The following OPHN1 variants were observed in gnomAD, a reference collection of about 807,000 sequenced individuals.
OPHN1 encodes the protein oligophrenin-1.
Under a neutral mutation model 60.7 loss-of-function variants are expected in OPHN1, and 11 were observed. The observed-to-expected ratio is 0.18, with a 90% CI of 0.11 to 0.30. The LOEUF (loss-of-function observed/expected upper bound fraction) is 0.30. Ranked by LOEUF, OPHN1 falls within the 10% of genes least tolerant of loss-of-function variation. The pLI, the probability that OPHN1 is intolerant of heterozygous loss-of-function variation, is 1.00. For missense variants in OPHN1, 449 were observed against 611.0 expected (o/e 0.73, Z 2.80); for synonymous variants, 226 against 222.6 (o/e 1.02, Z -0.14).
chrX:68,081,526 T>C (rs779657625), intron 19 of OPHN1, among the ~76,000 whole-genome samples: 5 of 112,036 alleles, frequency 4.5e-5, no homozygotes, highest in Non-Finnish European at 7.5e-5. Context: ...ATAAAATATG[T>C]ATCACAATAA....
chrX:68,173,121 A>G (rs1321134528), intron 15 of OPHN1, among the ~76,000 whole-genome samples: 1 of 110,365 alleles, frequency 9.1e-6, no homozygotes, highest in African/African-American at 3.3e-5. Context: ...ACACCCACTA[A>G]TGAGAACTCA....
chrX:68,415,077 C>T (rs927040776), intron 2 of OPHN1, among the ~76,000 whole-genome samples: 1 of 111,806 alleles, frequency 8.9e-6, no homozygotes, highest in African/African-American at 3.2e-5. Context: ...TCTCTAGCCA[C>T]GTCTGTCTTG....
intron 15 of OPHN1, among the ~76,000 whole-genome samples, chrX:68,122,240 C>G (rs1312305344): frequency 1.8e-5 from 2 of 112,060 alleles, no homozygotes; most frequent in Non-Finnish European, 3.8e-5. Context: ...TCTTATTCAA[C>G]ACCATCAAGG....
intron 18 of OPHN1, among the ~76,000 whole-genome samples, chrX:68,100,916 T>A (rs1384554241): frequency 9.1e-6 from 1 of 109,927 alleles, no homozygotes; most frequent in Non-Finnish European, 1.9e-5. Flanking sequence ...CCGGCTAATT[T>A]TTTGTACTTT....
intron 19 of OPHN1, among the ~76,000 whole-genome samples, chrX:68,095,609 A>G (rs777311488): frequency 6.4e-4 from 71 of 111,342 alleles, no homozygotes; most frequent in African/African-American, 2.3e-3. Context: ...AATTTCTTAT[A>G]TGTATAAGGA....
chrX:68,163,397 T>A (rs1412856506), intron 15 of OPHN1, among the ~76,000 whole-genome samples: 1 of 106,470 alleles, frequency 9.4e-6, no homozygotes, highest in Admixed American at 1.0e-4. Flanking sequence ...GGCACATCTC[T>A]TTCTTTTTTA....
Position 68,343,274 on chromosome X carries a change from C to CAA in OPHN1, c.155-44180_155-44179dup, listed in dbSNP as rs368144274. Among the ~76,000 whole-genome samples the CAA allele has an allele frequency of 1.3e-3, 84 of 62,632 alleles. 1 individual carries two copies. The East Asian group carries it at 0.028, about 21-fold the overall frequency. The allele number at this position is 62,632 out of a possible 115,157, so 54.4% of individuals were successfully genotyped here. On this transcript the variant is annotated intron_variant, in intron 2 of 24. Coordinates refer to ENST00000355520, the MANE Select transcript of OPHN1 (RefSeq NM_002547.3). The stretch of plus-strand genomic sequence containing the variant: ...GGGAGACAAGAGAGAAGCTCTGTCT[C>CAA]AAAAAAAAAAAGCGGGGGGGGAGGG...
chrX:68,159,648 C>T (rs955186793), intron 15 of OPHN1, among the ~76,000 whole-genome samples: 6 of 111,491 alleles, frequency 5.4e-5, no homozygotes, highest in African/African-American at 2.0e-4. Flanking sequence ...CGTATTTAGA[C>T]GTCATATGTG....
At chrX:68,049,031 T>G (rs1404726282) in intron 23 of OPHN1, among the ~76,000 whole-genome samples, 1 of 111,251 alleles carries the variant, frequency 9.0e-6, no homozygotes, top group African/African-American at 3.3e-5. Flanking sequence ...CTGTTTACAC[T>G]TACTCCCTGG....
chrX:68,279,466 C>T (rs888563218), intron 4 of OPHN1, among the ~76,000 whole-genome samples: 5 of 109,856 alleles, frequency 4.6e-5, no homozygotes, highest in African/African-American at 1.0e-4. Flanking sequence ...TTCTCCCCAT[C>T]ATAATTCCTT....
rs181992661 is a variant in OPHN1 at position 68,340,249 on chromosome X, T to C, written c.155-41153A>G. 3.5e-3 allele frequency among the ~76,000 whole-genome samples: 396 copies of C among 112,124 alleles called. 2 individuals are homozygous for C. The highest frequency in any genetic ancestry group is 0.012 in the African/African-American group (378 of 30,967). Reference sequence around the variant, plus strand: ...ATATGGAAATTAAAGGGACCAAAAATAGTCAAAACTATCTTGAAAAAGAAC... The same window carrying C: ...ATATGGAAATTAAAGGGACCAAAAACAGTCAAAACTATCTTGAAAAAGAAC... On this transcript the variant is annotated intron_variant, in intron 2 of 24. Transcript: ENST00000355520.
At chrX:68,411,356 A>C (rs2078768429) in intron 2 of OPHN1, among the ~76,000 whole-genome samples, 2 of 112,243 alleles carry the variant, frequency 1.8e-5, no homozygotes, top group African/African-American at 6.5e-5. Flanking sequence ...TCTTTGAGAA[A>C]TCTCCAAACT....
At chrX:68,243,041 T>A (rs954829494) in intron 5 of OPHN1, among the ~76,000 whole-genome samples, 1 of 111,073 alleles carries the variant, frequency 9.0e-6, no homozygotes, top group Admixed American at 9.6e-5. Flanking sequence ...CTAATTTTTG[T>A]ATTTTTAGTG....
intron 6 of OPHN1, among the ~76,000 whole-genome samples, chrX:68,218,875 C>T (rs1418559808): frequency 2.2e-5 from 2 of 91,758 alleles, no homozygotes; most frequent in Non-Finnish European, 4.4e-5. Flanking sequence ...CATCAACTAA[C>T]GAGCAAAATA....
intron 2 of OPHN1, among the ~76,000 whole-genome samples, chrX:68,360,366 A>G (rs984325627): frequency 9.0e-6 from 1 of 110,660 alleles, no homozygotes; most frequent in Non-Finnish European, 1.9e-5. Context: ...TTGTAGAAAT[A>G]GAGTCTCATT....
rs775690066 is a variant in OPHN1 at position 68,122,557 on chromosome X, A to C, written c.1277-3225T>G. Among the ~76,000 whole-genome samples, 3 of 111,527 alleles carry C rather than the reference A, an allele frequency of 2.7e-5. No individual in the cohort carries two copies. The East Asian group carries it at 8.5e-4, about 32-fold the overall frequency. On this transcript the variant is annotated intron_variant, in intron 15 of 24. Coordinates refer to ENST00000355520, the MANE Select transcript of OPHN1 (RefSeq NM_002547.3). ...GGTATGTGACATATAAGACAGAGAAATCAAAATAGCTATTTTGAGAAAACT... is the reference window on the plus strand; with the variant it reads ...GGTATGTGACATATAAGACAGAGAACTCAAAATAGCTATTTTGAGAAAACT...
chrX:68,140,065 A>C (rs1035470232), intron 15 of OPHN1, among the ~76,000 whole-genome samples: 7 of 112,214 alleles, frequency 6.2e-5, no homozygotes, highest in Non-Finnish European at 1.3e-4. Context: ...TTCATTGAAA[A>C]GTTTGACAAA....
chrX:68,090,507 G>C (rs1238867332), intron 19 of OPHN1, among the ~76,000 whole-genome samples: 1 of 111,004 alleles, frequency 9.0e-6, no homozygotes, highest in East Asian at 2.8e-4. Context: ...AGGAGAGACA[G>C]ACCAGGACTG....
At chrX:68,414,918 T>C (rs2078786618) in intron 2 of OPHN1, among the ~76,000 whole-genome samples, 1 of 112,204 alleles carries the variant, frequency 8.9e-6, no homozygotes, top group African/African-American at 3.2e-5. Flanking sequence ...GTTCTTTAGG[T>C]GCATAAGAAT....
Sources: gnomAD v4.1 joint callset for allele counts (sites outside exome capture counted in the v4.1 genomes callset) on GRCh38, gnomAD v4.1.1 for gene constraint, MANE v1.5 for transcripts, NCBI Gene and HGNC (gene_info 2026-07-23, HGNC 2026-07-21) for gene names.